Variants in AFG2A observed in about 807,000 individuals in gnomAD.
AFG2A encodes the protein ATPase family gene 2 protein homolog A.
chr4:123,160,390 A>G, the AFG2A span, among the ~76,000 whole-genome samples: 1 of 152,142 alleles, frequency 6.6e-6, no homozygotes. Context: ...CTTATATTAT[A>G]ATTTTTACAT....
chr4:123,011,791 A>G, the AFG2A span, among the ~76,000 whole-genome samples: 6 of 152,260 alleles, frequency 3.9e-5, no homozygotes, highest in South Asian at 8.3e-4. Flanking sequence ...GGTTGCCTAT[A>G]GTGAAGGAGC....
At chr4:123,131,537 A>G in the AFG2A span, among the ~76,000 whole-genome samples, 7 of 152,166 alleles carry the variant, frequency 4.6e-5, no homozygotes, top group East Asian at 5.8e-4. Flanking sequence ...CTTTGTTTCT[A>G]TGAATTTGAC....
the AFG2A span, among the ~76,000 whole-genome samples, chr4:123,045,384 C>G: frequency 1.3e-5 from 2 of 152,270 alleles, no homozygotes; most frequent in African/African-American, 4.8e-5. Flanking sequence ...ATTATTGTCA[C>G]TCAAGTTTTG....
At chr4:123,148,790 A>G in the AFG2A span, among the ~76,000 whole-genome samples, 10 of 141,376 alleles carry the variant, frequency 7.1e-5, no homozygotes, top group African/African-American at 2.7e-4. Flanking sequence ...TTTTTTTGAG[A>G]CAGAGTCTCG....
At chr4:122,945,143 G>T in the AFG2A span, among the ~76,000 whole-genome samples, 1 of 152,320 alleles carries the variant, frequency 6.6e-6, no homozygotes, top group Non-Finnish European at 1.5e-5. Flanking sequence ...GCTGCGTGCT[G>T]GGAGAACCAC....
At chr4:123,067,121 G>T in the AFG2A span, among the ~76,000 whole-genome samples, 1 of 152,082 alleles carries the variant, frequency 6.6e-6, no homozygotes, top group Non-Finnish European at 1.5e-5. Context: ...CGTGTACCAT[G>T]AAAATTATCA....
chr4:123,199,541 G>T, the AFG2A span, among the ~76,000 whole-genome samples: 1 of 134,312 alleles, frequency 7.4e-6, no homozygotes, highest in Non-Finnish European at 1.5e-5. Flanking sequence ...GCACGATCTC[G>T]GCTAACTGCA....
At chr4:123,061,147 C>T in the AFG2A span, among the ~76,000 whole-genome samples, 2 of 152,148 alleles carry the variant, frequency 1.3e-5, no homozygotes, top group Non-Finnish European at 2.9e-5. Context: ...CCACATCTTC[C>T]TGTCTTCTGA....
At chr4:123,143,899 C>G in the AFG2A span, among the ~76,000 whole-genome samples, 1 of 147,028 alleles carries the variant, frequency 6.8e-6, no homozygotes, top group Non-Finnish European at 1.5e-5. Context: ...TCCTTCTTTT[C>G]AGTCAGAAAG....
the AFG2A span, among the ~76,000 whole-genome samples, chr4:123,225,539 C>G: frequency 6.6e-6 from 1 of 152,142 alleles, no homozygotes; most frequent in African/African-American, 2.4e-5. Flanking sequence ...GGCATTATTT[C>G]TGAGGGCTCT....
At chr4:122,935,723 C>T in the AFG2A span, 1 of 1,579,936 alleles carries the variant, frequency 6.3e-7, no homozygotes, top group Non-Finnish European at 8.6e-7. Flanking sequence ...GGAATTCCTG[C>T]CCCTAGAGGA....
the AFG2A span, among the ~76,000 whole-genome samples, chr4:122,971,843 C>G: frequency 6.6e-6 from 1 of 152,134 alleles, no homozygotes; most frequent in Non-Finnish European, 1.5e-5. Context: ...TTAAATGTTA[C>G]ATGAATCTGG....
the AFG2A span, among the ~76,000 whole-genome samples, chr4:123,248,339 A>C: frequency 6.6e-6 from 1 of 152,208 alleles, no homozygotes; most frequent in African/African-American, 2.4e-5. Flanking sequence ...CTCTAAAGTC[A>C]TTCTTCTCCC....
At chr4:123,115,550 G>C in the AFG2A span, among the ~76,000 whole-genome samples, 1 of 152,128 alleles carries the variant, frequency 6.6e-6, no homozygotes, top group Non-Finnish European at 1.5e-5. Flanking sequence ...GTCCAACTCT[G>C]CCTTGAGACC....
At chr4:123,251,635 TTAA>T in the AFG2A span, among the ~76,000 whole-genome samples, 1 of 152,110 alleles carries the variant, frequency 6.6e-6, no homozygotes, top group African/African-American at 2.4e-5. Flanking sequence ...TATATAAATA[TTAA>T]TGTTATTTGT....
the AFG2A span, among the ~76,000 whole-genome samples, chr4:123,292,899 C>A: frequency 5.3e-5 from 8 of 152,088 alleles, no homozygotes; most frequent in Non-Finnish European, 1.0e-4. Context: ...ATATGCAATA[C>A]CCCAGTGGTG....
chr4:122,990,925 A>G, the AFG2A span, among the ~76,000 whole-genome samples: 7 of 152,154 alleles, frequency 4.6e-5, no homozygotes, highest in African/African-American at 1.7e-4. Flanking sequence ...TTCCTCGAAC[A>G]ATGTGTTTTG....
chr4:123,314,255 G>C, the AFG2A span: 2 of 395,244 alleles, frequency 5.1e-6, no homozygotes, highest in Non-Finnish European at 8.7e-6. Flanking sequence ...CTGAGCATAA[G>C]TTTCAATCAG....
the AFG2A span, chr4:122,929,084 C>T: frequency 2.5e-5 from 40 of 1,613,652 alleles, no homozygotes; most frequent in African/African-American, 4.0e-5. Flanking sequence ...GAGGCAAGGT[C>T]GGCCTGAGTG....
Sources: gnomAD v4.1 joint callset for allele counts (sites outside exome capture counted in the v4.1 genomes callset) on GRCh38, gnomAD v4.1.1 for gene constraint, MANE v1.5 for transcripts, NCBI Gene and HGNC (gene_info 2026-07-23, HGNC 2026-07-21) for gene names.